Variants in GALNTL6 observed in about 807,000 individuals in gnomAD.
GALNTL6 encodes polypeptide N-acetylgalactosaminyltransferase-like 6.
In GALNTL6, 46 loss-of-function variants were observed where a neutral mutation model predicts 73.7. The observed-to-expected ratio is 0.62, with a 90% CI of 0.49 to 0.80. GALNTL6 has a LOEUF of 0.80. Ranked by LOEUF, GALNTL6 falls within the 30% of genes least tolerant of loss-of-function variation. The pLI, the probability that GALNTL6 is intolerant of heterozygous loss-of-function variation, is 0.00. For synonymous variants in GALNTL6, 259 were observed against 263.7 expected (o/e 0.98, Z 0.17); for missense variants, 604 against 755.0 (o/e 0.80, Z 2.34).
At chr4:172,643,438 A>G (rs2111128637) in intron 5 of GALNTL6, among the ~76,000 whole-genome samples, 1 of 152,108 alleles carries the variant, frequency 6.6e-6, no homozygotes, top group Non-Finnish European at 1.5e-5. Context: ...AAGTGTACAA[A>G]TCATGCATTC....
chr4:171,911,509 G>A (rs1483983297), intron 2 of GALNTL6, among the ~76,000 whole-genome samples: 1 of 152,160 alleles, frequency 6.6e-6, no homozygotes, highest in African/African-American at 2.4e-5. Context: ...TCCTCATCCT[G>A]AAGAAATGCA....
intron 9 of GALNTL6, among the ~76,000 whole-genome samples, chr4:172,951,516 G>T (rs1749443125): frequency 6.6e-6 from 1 of 152,196 alleles, no homozygotes; most frequent in African/African-American, 2.4e-5. Context: ...TATCTGTGTT[G>T]CACACATAGA....
intron 2 of GALNTL6, among the ~76,000 whole-genome samples, chr4:171,818,745 G>T (rs1734598851): frequency 6.6e-6 from 1 of 151,678 alleles, no homozygotes; most frequent in Non-Finnish European, 1.5e-5. Flanking sequence ...AAATATTGTG[G>T]GGTAATGCAT....
intron 3 of GALNTL6, among the ~76,000 whole-genome samples, chr4:172,307,080 C>T (rs1265698645): frequency 6.6e-6 from 1 of 152,130 alleles, no homozygotes; most frequent in African/African-American, 2.4e-5. Flanking sequence ...TTCCCACCAG[C>T]AGTGTAAAAG....
intron 3 of GALNTL6, among the ~76,000 whole-genome samples, chr4:172,252,966 A>G (rs1417297938): frequency 6.6e-6 from 1 of 152,052 alleles, no homozygotes; most frequent in African/African-American, 2.4e-5. Flanking sequence ...TATGATTTTG[A>G]AACCACATCA....
At chr4:172,952,398 C>T in intron 10 of GALNTL6, 140 bp downstream of exon 10, 1 of 618,540 alleles carries the variant, frequency 1.6e-6, no homozygotes, top group Admixed American at 3.0e-5. Flanking sequence ...ATCTCAAATA[C>T]ATGAATGTTC....
At chr4:172,380,437 T>C in intron 5 of GALNTL6, 1 of 535,452 alleles carries the variant, frequency 1.9e-6, no homozygotes, top group Non-Finnish European at 3.6e-6. Flanking sequence ...GAACTGGTTC[T>C]GCCAGCAAAA....
intron 2 of GALNTL6, among the ~76,000 whole-genome samples, chr4:171,903,461 G>A (rs1182172998): frequency 6.6e-6 from 1 of 152,148 alleles, no homozygotes; most frequent in Non-Finnish European, 1.5e-5. Context: ...CACACCAGGA[G>A]ATTAAATCCC....
intron 2 of GALNTL6, among the ~76,000 whole-genome samples, chr4:172,038,537 G>C (rs1191588538): frequency 6.6e-6 from 1 of 152,162 alleles, no homozygotes; most frequent in Non-Finnish European, 1.5e-5. Flanking sequence ...TCAAAACTGA[G>C]AGTAATTATG....
chr4:172,417,467 T>C (rs892000107), intron 5 of GALNTL6, among the ~76,000 whole-genome samples: 1 of 152,092 alleles, frequency 6.6e-6, no homozygotes, highest in Non-Finnish European at 1.5e-5. Context: ...CTGGCCGACA[T>C]GGCAAAACTT....
At chr4:172,642,047 A>G (rs558073464) in intron 5 of GALNTL6, among the ~76,000 whole-genome samples, 1 of 152,228 alleles carries the variant, frequency 6.6e-6, no homozygotes, top group African/African-American at 2.4e-5. Flanking sequence ...TACATCTATT[A>G]GAATGGTTAT....
chr4:172,389,419 T>A (rs1434793000), intron 5 of GALNTL6, among the ~76,000 whole-genome samples: 1 of 152,102 alleles, frequency 6.6e-6, no homozygotes, highest in Non-Finnish European at 1.5e-5. Context: ...TAATGAATGG[T>A]CAAATGCTTC....
intron 10 of GALNTL6, among the ~76,000 whole-genome samples, chr4:172,983,918 G>T (rs1211771420): frequency 6.7e-6 from 1 of 149,586 alleles, no homozygotes; most frequent in Non-Finnish European, 1.5e-5. Flanking sequence ...GACATCTCCC[G>T]GTTGATTTTT....
At chr4:172,697,173 T>C (rs1220802246) in intron 5 of GALNTL6, among the ~76,000 whole-genome samples, 4 of 152,120 alleles carry the variant, frequency 2.6e-5, no homozygotes, top group African/African-American at 9.7e-5. Context: ...GTGAAAAAAA[T>C]AAAAATAAGA....
intron 5 of GALNTL6, among the ~76,000 whole-genome samples, chr4:172,793,785 C>T (rs1416890011): frequency 6.6e-6 from 1 of 152,168 alleles, no homozygotes; most frequent in African/African-American, 2.4e-5. Context: ...TTGGAAGATG[C>T]TTGGCATGTT....
chr4:172,399,309 T>G (rs1490534859), intron 5 of GALNTL6, among the ~76,000 whole-genome samples: 1 of 152,062 alleles, frequency 6.6e-6, no homozygotes, highest in Non-Finnish European at 1.5e-5. Context: ...ATTGCATAAA[T>G]TTTTATTTTT....
chr4:172,275,032 AG>A (rs757878931), intron 3 of GALNTL6, among the ~76,000 whole-genome samples: 4 of 152,204 alleles, frequency 2.6e-5, no homozygotes, highest in Non-Finnish European at 4.4e-5. Flanking sequence ...TCTTCCTGGA[AG>A]GTGTGCGAAA....
chr4:172,340,141 G>C (rs1741510972), intron 4 of GALNTL6, among the ~76,000 whole-genome samples: 1 of 151,994 alleles, frequency 6.6e-6, no homozygotes, highest in African/African-American at 2.4e-5. Context: ...TTTTATATAT[G>C]GCATGTATTA....
intron 2 of GALNTL6, among the ~76,000 whole-genome samples, chr4:171,902,028 T>G (rs914242704): frequency 6.6e-6 from 1 of 152,110 alleles, no homozygotes; most frequent in Non-Finnish European, 1.5e-5. Context: ...CTATATAACA[T>G]TTAGAGAGAT....
Sources: allele counts gnomAD v4.1 joint callset (sites outside exome capture counted in the v4.1 genomes callset), GRCh38; gene constraint gnomAD v4.1.1; transcripts MANE v1.5; gene names NCBI Gene and HGNC (gene_info 2026-07-23, HGNC 2026-07-21).